The following KCNH8 variants were observed in gnomAD, a reference collection of about 807,000 sequenced individuals.
The protein encoded by KCNH8 is potassium voltage-gated channel subfamily H member 8, also known as voltage-gated delayed rectifier potassium channel KCNH8.
KCNH8 carries 70 observed loss-of-function variants against 103.6 expected under a neutral mutation model. The observed-to-expected ratio is 0.68, with a 90% confidence interval of 0.56 to 0.82. The LOEUF (loss-of-function observed/expected upper bound fraction) is 0.82. Among genes scored for constraint, KCNH8 ranks in the 40% least tolerant of loss-of-function variants. The pLI is 0.00. For missense variants in KCNH8, 1,217 were observed against 1,329.9 expected, an observed-to-expected ratio of 0.92 and a Z score of 1.32; for synonymous variants, 498 against 489.4, an observed-to-expected ratio of 1.02 and a Z score of -0.23.
At chr3:19,431,452 T>A (rs926934593) in intron 7 of KCNH8, among the ~76,000 whole-genome samples, 1 of 152,210 alleles carries the variant, frequency 6.6e-6, no homozygotes, top group Non-Finnish European at 1.5e-5. Flanking sequence ...TTCCTCTTTG[T>A]TTTACCTCTG....
chr3:19,293,810 A>T (rs1041411925), intron 3 of KCNH8, among the ~76,000 whole-genome samples: 2 of 152,216 alleles, frequency 1.3e-5, no homozygotes, highest in African/African-American at 4.8e-5. Flanking sequence ...ACACTTGCAG[A>T]TAGAGTGTCT....
At chr3:19,446,821 A>G (rs1400549256) in intron 8 of KCNH8, among the ~76,000 whole-genome samples, 1 of 152,000 alleles carries the variant, frequency 6.6e-6, no homozygotes, top group Non-Finnish European at 1.5e-5. Flanking sequence ...TGAAAAGAGA[A>G]AGGAAAAGAC....
At chr3:19,510,313 C>G (rs1165423056) in intron 11 of KCNH8, 50 bp from the exon 12 acceptor site, 7 of 1,192,242 alleles carry the variant, frequency 5.9e-6, no homozygotes, top group Non-Finnish European at 6.3e-6. Flanking sequence ...CACCCAGTCC[C>G]AAACCACCAG....
At chr3:19,194,348 GAT>G (rs1163068731) in intron 1 of KCNH8, among the ~76,000 whole-genome samples, 2 of 151,468 alleles carry the variant, frequency 1.3e-5, no homozygotes, top group Non-Finnish European at 3.0e-5. Context: ...AGTGTTAGTA[GAT>G]ATTTTTCCTT....
intron 11 of KCNH8, among the ~76,000 whole-genome samples, chr3:19,505,761 G>A (rs952332539): frequency 2.0e-5 from 3 of 152,108 alleles, no homozygotes; most frequent in African/African-American, 7.2e-5. Context: ...ATATTTTCCA[G>A]GTTGCTTGCT....
intron 1 of KCNH8, among the ~76,000 whole-genome samples, chr3:19,191,161 T>G (rs1278744424): frequency 6.6e-6 from 1 of 151,864 alleles, no homozygotes; most frequent in Non-Finnish European, 1.5e-5. Context: ...TACGTTCTAG[T>G]ATATGTGTGT....
chr3:19,165,114 T>C (rs1276730412), intron 1 of KCNH8, among the ~76,000 whole-genome samples: 1 of 152,176 alleles, frequency 6.6e-6, no homozygotes, highest in East Asian at 1.9e-4. Context: ...GTTAAAGTTA[T>C]CAAATTGTAC....
chr3:19,342,967 G>A (rs1320605304), intron 4 of KCNH8, among the ~76,000 whole-genome samples: 2 of 151,980 alleles, frequency 1.3e-5, no homozygotes, highest in Non-Finnish European at 2.9e-5. Context: ...GTACAATATG[G>A]TACTAGGGAC....
At chr3:19,433,370 CAAAT>C (rs2067151372) in intron 7 of KCNH8, among the ~76,000 whole-genome samples, 2 of 152,200 alleles carry the variant, frequency 1.3e-5, no homozygotes, top group East Asian at 1.9e-4. Flanking sequence ...AGAATTAAAA[CAAAT>C]GAAAGATAAA....
At chr3:19,518,168 A>G in intron 15 of KCNH8, 94 bp downstream of exon 15, 1 of 943,406 alleles carries the variant, frequency 1.1e-6, no homozygotes, top group Non-Finnish European at 1.6e-6. Context: ...AGTTACAAGC[A>G]TGCATTCCAG....
At chr3:19,263,323 T>C (rs2064461304) in intron 2 of KCNH8, among the ~76,000 whole-genome samples, 2 of 152,116 alleles carry the variant, frequency 1.3e-5, no homozygotes, top group Admixed American at 1.3e-4. Flanking sequence ...GTTCCAGTTA[T>C]GACAAACTAC....
In KCNH8 at chr3:19,450,116, C is replaced by T. The variant is rs184514266; in HGVS notation, c.1386C>T (p.His462=). The change falls in exon 9 of 16, where the codon CAC becomes CAT. Residue 462 remains histidine, a synonymous_variant. Coordinates refer to ENST00000328405, the MANE Select transcript of KCNH8 (RefSeq NM_144633.3). Reference sequence around the variant, plus strand: ...TGTTGTTCTTTCTAGCCTTGATGCACGCCTTGGTGTTTGGAAACGTGACAG... The same window carrying T: ...TGTTGTTCTTTCTAGCCTTGATGCATGCCTTGGTGTTTGGAAACGTGACAG... The part of the protein sequence containing the change: ...ICTMLIGALM[H]ALVFGNVTAI... The T allele has an allele frequency of 8.7e-5, 140 of 1,613,254 alleles. 2 individuals carry two copies. The East Asian group carries it at 1.4e-3, about 16-fold the overall frequency.
intron 3 of KCNH8, among the ~76,000 whole-genome samples, chr3:19,326,781 T>TC (rs1462875050): frequency 6.6e-6 from 1 of 152,202 alleles, no homozygotes; most frequent in East Asian, 1.9e-4. Flanking sequence ...ATAGCAAATT[T>TC]CCCCAAAACT....
chr3:19,166,162 T>C (rs1337050140), intron 1 of KCNH8, among the ~76,000 whole-genome samples: 1 of 152,092 alleles, frequency 6.6e-6, no homozygotes, highest in African/African-American at 2.4e-5. Context: ...GGGGGAAAAA[T>C]AACACGTTTC....
intron 1 of KCNH8, among the ~76,000 whole-genome samples, chr3:19,221,101 T>C (rs2063869366): frequency 6.6e-6 from 1 of 152,166 alleles, no homozygotes; most frequent in Non-Finnish European, 1.5e-5. Flanking sequence ...AATTTTGAGG[T>C]TTAGCTAAAA....
intron 3 of KCNH8, chr3:19,314,779 A>C (rs1212229075): frequency 6.5e-6 from 1 of 154,168 alleles, no homozygotes; most frequent in Non-Finnish European, 1.5e-5. Context: ...TTTCTCCTTC[A>C]ATCCTCTCCC....
At chr3:19,203,395 A>G (rs2063683251) in intron 1 of KCNH8, among the ~76,000 whole-genome samples, 1 of 152,100 alleles carries the variant, frequency 6.6e-6, no homozygotes, top group Non-Finnish European at 1.5e-5. Context: ...AAAAATCTAT[A>G]AGAATGTTTA....
chr3:19,288,181 C>CTTTTT (rs767659898), intron 3 of KCNH8, among the ~76,000 whole-genome samples: 42 of 38,164 alleles, frequency 1.1e-3, no homozygotes, highest in African/African-American at 2.1e-3. Context: ...TATCAAACTT[C>CTTTTT]TTTTTTTTTT....
chr3:19,405,594 GA>G (rs2066679683), intron 7 of KCNH8, among the ~76,000 whole-genome samples: 1 of 151,816 alleles, frequency 6.6e-6, no homozygotes, highest in African/African-American at 2.4e-5. Context: ...ATCGACGCTT[GA>G]TATACATTGA....
Sources: gnomAD v4.1 joint callset for allele counts (sites outside exome capture counted in the v4.1 genomes callset) on GRCh38, gnomAD v4.1.1 for gene constraint, MANE v1.5 for transcripts, NCBI Gene and HGNC (gene_info 2026-07-23, HGNC 2026-07-21) for gene names.